Variants in MMS19 observed in about 807,000 individuals in gnomAD.
MMS19 encodes the protein MMS19 nucleotide excision repair protein homolog.
Under a neutral mutation model 129.8 loss-of-function variants are expected in MMS19, and 77 were observed. The ratio of observed to expected loss-of-function variants is 0.59; its 90% CI spans 0.49 to 0.72. The LOEUF (loss-of-function observed/expected upper bound fraction) is 0.72, where lower values mean the gene tolerates loss of function less well. Among genes scored for constraint, MMS19 ranks in the 30% least tolerant of loss-of-function variants. The probability of loss-of-function intolerance (pLI) is 0.00; values close to 1 mark genes in which losing one functional copy is unlikely to be tolerated. For missense variants in MMS19, 1,168 were observed against 1,266.3 expected (o/e 0.92, Z 1.18); for synonymous variants, 491 against 502.8 (o/e 0.98, Z 0.31).
intron 8 of MMS19, among the ~76,000 whole-genome samples, chr10:97,475,578 T>C (rs1045775656): frequency 2.7e-5 from 4 of 149,942 alleles, no homozygotes; most frequent in Non-Finnish European, 5.9e-5. Context: ...CTACTAAAAA[T>C]ACAAAAAAAA....
intron 1 of MMS19, among the ~76,000 whole-genome samples, chr10:97,487,673 G>A (rs1457199890): frequency 6.6e-6 from 1 of 151,952 alleles, no homozygotes; most frequent in African/African-American, 2.4e-5. Context: ...CTAAAAGATT[G>A]GTTTTAAAAA....
intron 1 of MMS19, among the ~76,000 whole-genome samples, chr10:97,490,134 A>C (rs2038626274): frequency 6.6e-6 from 1 of 152,106 alleles, no homozygotes; most frequent in African/African-American, 2.4e-5. Flanking sequence ...AGCTCTGTGC[A>C]GTAGTACAAT....
chr10:97,498,385 A>C lies in MMS19; in HGVS notation c.-1T>G, dbSNP rs764841363. On this transcript the variant is annotated 5_prime_UTR_variant, in exon 1 of 31. Transcript: ENST00000438925. The stretch of plus-strand genomic sequence containing the variant: ...CCTCCACAGCCGCGGCAGCGGCCAT[A>C]ACGCGAACTAGAGACCGTGGGAGGG... 1.9e-6 allele frequency: 3 copies of C among 1,580,538 alleles called. No individual in the cohort carries two copies. Among genetic ancestry groups the C allele is most frequent in the Non-Finnish European group, 2.6e-6 (3 of 1,171,098 alleles).
chr10:97,470,069 C>G, intron 10 of MMS19, 60 bp downstream of exon 10: 1 of 1,144,524 alleles, frequency 8.7e-7, no homozygotes, highest in East Asian at 2.5e-5. Flanking sequence ...AATCTATATC[C>G]TTTAGGACCC....
chr10:97,498,343 A>C lies in MMS19; in HGVS notation c.42T>G (p.Gly14=), dbSNP rs1346518723. The change falls in exon 1 of 31, where the codon GGT becomes GGG. Residue 14 remains glycine (G), a synonymous_variant. Coordinates refer to ENST00000438925, the MANE Select transcript of MMS19 (RefSeq NM_022362.5). ...AAAVEAAAPM[G]ALWGLVHDFV... ...AGTCGTGCACGAGGCCCCATAGGGC[A>C]CCCATAGGCGCCGCCGCCTCCACAG... The C allele has an allele frequency of 6.4e-7, 1 of 1,572,448 alleles. No individual in the cohort carries two copies. Among genetic ancestry groups the C allele is most frequent in the Non-Finnish European group, 8.6e-7 (1 of 1,166,570 alleles).
upstream of MMS19, chr10:97,498,667 G>C (rs1026981746): frequency 4.3e-6 from 2 of 463,964 alleles, no homozygotes; most frequent in East Asian, 8.5e-5. Context: ...GCGGGCACCT[G>C]GCTGGGTGGG....
chr10:97,460,291 TA>T, intron 25 of MMS19, 59 bp from the exon 26 acceptor site: 1 of 1,522,562 alleles, frequency 6.6e-7, no homozygotes, highest in Non-Finnish European at 9.0e-7. Context: ...GTGCCAAAGA[TA>T]AGGATGGGGC....
chr10:97,461,522 G>A lies in MMS19; in HGVS notation c.2285C>T (p.Ala762Val). Residue 762 changes from alanine (A) to valine (V), a missense_variant, in exon 23 of 31, where the codon GCA becomes GTA. Ala to Val is a moderately conservative substitution (Grantham distance 64). Around this residue, in one of 3 missense-constraint regions of MMS19, gnomAD observed 831 missense variants for 910.8 expected, o/e 0.91. Transcript: ENST00000438925. The stretch of plus-strand genomic sequence containing the variant: ...TGCAGGGTGCTTGTTGAGGAGTCCT[G>A]CAAAGCACTTGGCAGCAGCGGTGGA... ...FSSTAAAKCF[A>V]GLLNKHPAGQ... 6.2e-7 allele frequency: 1 copy of A among 1,606,090 alleles called. No individual in the cohort carries two copies. The highest frequency in any genetic ancestry group is 8.5e-7 in the Non-Finnish European group (1 of 1,176,274).
At chr10:97,467,253 A>G (rs29001313) in intron 14 of MMS19, among the ~76,000 whole-genome samples, 5,445 of 152,340 alleles carry the variant, frequency 0.036, 157 homozygotes, top group Middle Eastern at 0.088. Flanking sequence ...TGCTGGGATT[A>G]TAGGTGTGAG....
rs146756767 is a variant in MMS19, at chr10:97,485,694, C to T, written c.113-1543G>A. Among the ~76,000 whole-genome samples, 783 of 152,298 alleles carry T rather than the reference C, an allele frequency of 5.1e-3. 11 individuals carry two copies. The highest frequency in any genetic ancestry group is 0.018 in the African/African-American group (732 of 41,560). ...AACTCCTGACCTCAGGTGATCCACCCGCCTCTGCCTCCCAAATTGCTGGGA... is the reference window on the plus strand; with the variant it reads ...AACTCCTGACCTCAGGTGATCCACCTGCCTCTGCCTCCCAAATTGCTGGGA... On this transcript the variant is annotated intron_variant, in intron 1 of 30. Coordinates refer to ENST00000438925, the MANE Select transcript of MMS19 (RefSeq NM_022362.5).
At chr10:97,491,501 C>T (rs2038881751) in intron 1 of MMS19, among the ~76,000 whole-genome samples, 1 of 151,930 alleles carries the variant, frequency 6.6e-6, no homozygotes, top group Non-Finnish European at 1.5e-5. Context: ...CCCATCTCTA[C>T]CAAAAATTAA....
chr10:97,475,692 G>T, intron 8 of MMS19, among the ~76,000 whole-genome samples: 1 of 152,074 alleles, frequency 6.6e-6, no homozygotes, highest in East Asian at 1.9e-4. Context: ...AGTTGAGATC[G>T]CACCACTGCA....
intron 23 of MMS19, chr10:97,461,262 T>G (rs953479986): frequency 8.1e-6 from 5 of 614,480 alleles, no homozygotes; most frequent in African/African-American, 1.8e-5. Context: ...CTGTAGGGAG[T>G]AGGACGGCAG....
intron 25 of MMS19, 161 bp from the exon 26 acceptor site, chr10:97,460,393 A>C: frequency 1.5e-6 from 1 of 668,086 alleles, no homozygotes; most frequent in African/African-American, 1.8e-5. Flanking sequence ...CAACATGGCC[A>C]AACCCAGTTC....
chr10:97,477,440 T>C (rs1589694503), intron 5 of MMS19, 24 bp from the exon 6 acceptor site: 4 of 1,613,788 alleles, frequency 2.5e-6, no homozygotes, highest in South Asian at 1.1e-5. Context: ...GAGAAAGAAG[T>C]GAAGAAAATG....
At chr10:97,484,253 A>T in intron 1 of MMS19, 102 bp from the exon 2 acceptor site, 1 of 746,440 alleles carries the variant, frequency 1.3e-6, no homozygotes, top group Non-Finnish European at 2.1e-6. Context: ...TAGGCTTTGT[A>T]CCTGGGGGCC....
At chr10:97,498,445 C>T (rs375416974), upstream of MMS19, 658 of 1,537,860 alleles carry the variant, frequency 4.3e-4, 1 homozygote, top group Admixed American at 5.9e-4. Context: ...GCTCTCCGCG[C>T]ATGCGCCTCC....
At chr10:97,482,906 G>A (rs923374919) in intron 2 of MMS19, among the ~76,000 whole-genome samples, 14 of 151,772 alleles carry the variant, frequency 9.2e-5, no homozygotes, top group African/African-American at 3.1e-4. Context: ...AACTACAGGC[G>A]CCCGCCACCA....
At chr10:97,469,222 G>T in intron 11 of MMS19, 118 bp from the exon 12 acceptor site, 1 of 1,280,646 alleles carries the variant, frequency 7.8e-7, no homozygotes, top group Non-Finnish European at 1.0e-6. Context: ...CACAGAAATG[G>T]AAATTAACAC....
Sources: gnomAD v4.1 joint callset for allele counts (sites outside exome capture counted in the v4.1 genomes callset) on GRCh38, gnomAD v4.1.1 for gene constraint, gnomAD v4.1.1 regional missense constraint, MANE v1.5 for transcripts, NCBI Gene and HGNC (gene_info 2026-07-23, HGNC 2026-07-21) for gene names.